The following DMD variants were observed in gnomAD, a reference collection of about 807,000 sequenced individuals.
DMD encodes dystrophin.
In DMD, 63 loss-of-function variants were observed where a neutral mutation model predicts 330.1. The observed-to-expected ratio is 0.19, with a 90% CI of 0.16 to 0.24. DMD has a LOEUF of 0.24. DMD is among the 10% of genes least tolerant of loss of function. The probability of loss-of-function intolerance (pLI) is 1.00; values close to 1 mark genes in which losing one functional copy is unlikely to be tolerated. For synonymous variants in DMD, 1,223 were observed against 959.8 expected (o/e 1.27, Z -5.07); for missense variants, 3,344 against 2,684.1 (o/e 1.25, Z -5.43).
chrX:33,298,793 A>T (rs1475513804), intron 1 of DMD, among the ~76,000 whole-genome samples: 1 of 111,784 alleles, frequency 8.9e-6, no homozygotes, highest in African/African-American at 3.2e-5. Flanking sequence ...GAGAGAAAAC[A>T]GAACACAGTA....
chrX:32,531,406 G>A (rs2047464946), intron 17 of DMD, among the ~76,000 whole-genome samples: 2 of 111,282 alleles, frequency 1.8e-5, no homozygotes, highest in East Asian at 2.8e-4. Flanking sequence ...GTGGACACTC[G>A]TACTCTAAAA....
intron 61 of DMD, among the ~76,000 whole-genome samples, chrX:31,341,891 G>GCGCGCGCGCGCACACACACA (rs374298104): frequency 3.5e-4 from 35 of 98,891 alleles, no homozygotes; most frequent in African/African-American, 6.6e-4. Flanking sequence ...GTGCGCGCGC[G>GCGCGCGCGCGCACACACACA]CACACACACA....
At chrX:33,203,326 C>T (rs1160791250) in intron 1 of DMD, among the ~76,000 whole-genome samples, 6 of 112,112 alleles carry the variant, frequency 5.4e-5, no homozygotes, top group Non-Finnish European at 1.1e-4. Context: ...ACACTGAAGG[C>T]TCATTTCATT....
intron 48 of DMD, among the ~76,000 whole-genome samples, chrX:31,863,337 C>T (rs1238546249): frequency 8.9e-6 from 1 of 111,822 alleles, no homozygotes; most frequent in Non-Finnish European, 1.9e-5. Flanking sequence ...AGCAAGACTC[C>T]GTCTCAAACA....
chrX:31,627,036 C>T (rs2148418273), intron 55 of DMD, among the ~76,000 whole-genome samples: 1 of 111,843 alleles, frequency 8.9e-6, no homozygotes, highest in African/African-American at 3.2e-5. Context: ...ATGATTCTCA[C>T]CAAGACTTCA....
chrX:33,330,658 A>G (rs2054159817), intron 1 of DMD, among the ~76,000 whole-genome samples: 1 of 112,113 alleles, frequency 8.9e-6, no homozygotes, highest in Non-Finnish European at 1.9e-5. Flanking sequence ...ATATCATTGT[A>G]TGCAACTGGC....
chrX:31,953,614 A>G (rs1331264245), intron 45 of DMD, among the ~76,000 whole-genome samples: 1 of 111,524 alleles, frequency 9.0e-6, no homozygotes, highest in Non-Finnish European at 1.9e-5. Flanking sequence ...GGGGAGATTT[A>G]TCGAGCTACT....
At position 31,365,094 on chromosome X, in the gene DMD, CA is replaced by C. The variant is rs35244488; in HGVS notation, c.9085-16461del. Among the ~76,000 whole-genome samples, 414 of 44,123 alleles carry C rather than the reference CA, an allele frequency of 9.4e-3. 1 individual carries two copies. Among genetic ancestry groups the C allele is most frequent in the Non-Finnish European group, 0.012 (309 of 24,817 alleles). The allele number at this position is 44,123 out of a possible 115,157, so 38.3% of individuals were successfully genotyped here. On this transcript the variant is annotated intron_variant, in intron 60 of 78. Coordinates refer to ENST00000357033, the MANE Select transcript of DMD (RefSeq NM_004006.3). ...TGGGCGACAGAGCGAGACCCCATCT[CA>C]AAAAAAAAAAAAAAAAAAGAATACT...
chrX:31,831,087 T>C (rs2093019102), intron 49 of DMD, among the ~76,000 whole-genome samples: 1 of 112,389 alleles, frequency 8.9e-6, no homozygotes. Flanking sequence ...TCCAATGCCC[T>C]CTTACTGAGA....
Position 33,307,127 on chromosome X carries a change from G to C in DMD, c.7+32132C>G, listed in dbSNP as rs1419631085. On this transcript the variant is annotated intron_variant, in intron 1 of 17. Coordinates refer to the DMD transcript ENST00000288447. ...AATCCAGCAGTGGCCAAAAATAAAA[G>C]AGGAGAGAAGAATGCATGATCATTG... Among the ~76,000 whole-genome samples, 5 of 111,032 alleles carry C rather than the reference G, an allele frequency of 4.5e-5. No homozygotes were observed. In the Admixed American group the frequency reaches 4.8e-4, roughly 11 times the overall value.
intron 2 of DMD, among the ~76,000 whole-genome samples, chrX:32,881,014 C>A (rs1311603483): frequency 8.9e-6 from 1 of 112,704 alleles, no homozygotes; most frequent in Non-Finnish European, 1.9e-5. Context: ...GTATGCAATT[C>A]TTTTTAAAAA....
In DMD at chrX:32,433,685, G is replaced by GA. The variant is rs758675811; in HGVS notation, c.4071+4555dup. 6.9e-3 allele frequency among the ~76,000 whole-genome samples: 765 copies of GA among 110,853 alleles called. 10 individuals carry two copies. Among genetic ancestry groups the GA allele is most frequent in the African/African-American group, 0.024 (733 of 30,495 alleles). ...AGGGAAAGACTCCATCTCAAAAAAA[G>GA]AAAAAACAAAAACAAAAACCACCAT... On this transcript the variant is annotated intron_variant, in intron 29 of 78. Transcript: ENST00000357033.
chrX:31,127,784 G>A (rs891058079), intron 77 of DMD, among the ~76,000 whole-genome samples: 1 of 111,577 alleles, frequency 9.0e-6, no homozygotes, highest in Non-Finnish European at 1.9e-5. Flanking sequence ...CTCACTCAAG[G>A]TTAGGGTTCA....
intron 12 of DMD, among the ~76,000 whole-genome samples, chrX:32,609,749 C>T (rs1687745244): frequency 9.0e-6 from 1 of 110,901 alleles, no homozygotes; most frequent in Admixed American, 9.6e-5. Flanking sequence ...TTGTATTAAT[C>T]AGTATTTCAC....
chrX:32,450,717 T>A (rs971453221), intron 26 of DMD, among the ~76,000 whole-genome samples: 20 of 110,819 alleles, frequency 1.8e-4, no homozygotes, highest in African/African-American at 5.9e-4. Flanking sequence ...GTCTCAAATG[T>A]TCCATGAGCT....
At chrX:31,413,741 T>C (rs2061743980) in intron 60 of DMD, among the ~76,000 whole-genome samples, 1 of 111,381 alleles carries the variant, frequency 9.0e-6, no homozygotes, top group African/African-American at 3.3e-5. Context: ...ATTATATTTC[T>C]CTCCATGTAT....
At chrX:33,288,354 T>C (rs1399098021) in intron 1 of DMD, among the ~76,000 whole-genome samples, 2 of 111,705 alleles carry the variant, frequency 1.8e-5, no homozygotes, top group Admixed American at 9.5e-5. Flanking sequence ...CATCCAGTTT[T>C]TGAAATTTTT....
At chrX:31,282,507 A>T in intron 62 of DMD, among the ~76,000 whole-genome samples, 1 of 111,069 alleles carries the variant, frequency 9.0e-6, no homozygotes, top group African/African-American at 3.3e-5. Flanking sequence ...TAAGACTAAT[A>T]AAGTCATTTA....
chrX:32,779,134 G>A (rs1442297294), intron 7 of DMD, among the ~76,000 whole-genome samples: 1 of 111,066 alleles, frequency 9.0e-6, no homozygotes, highest in East Asian at 2.8e-4. Context: ...TAAGCTAATT[G>A]TTCATGTATG....
Sources: allele counts gnomAD v4.1 joint callset (sites outside exome capture counted in the v4.1 genomes callset), GRCh38; gene constraint gnomAD v4.1.1; transcripts MANE v1.5; gene names NCBI Gene and HGNC (gene_info 2026-07-23, HGNC 2026-07-21).